MCF2L2: variants seen among roughly 807,000 people sequenced by gnomAD.
The protein encoded by MCF2L2 is MCF.2 cell line derived transforming sequence-like 2.
A neutral mutation model predicts 150.2 loss-of-function variants in MCF2L2; 102 were observed. The observed-to-expected ratio is 0.68, with a 90% CI of 0.58 to 0.80. The LOEUF is 0.80. MCF2L2 is among the 30% of genes least tolerant of loss of function. The probability of loss-of-function intolerance (pLI) is 0.00; values close to 1 mark genes in which losing one functional copy is unlikely to be tolerated. For synonymous variants in MCF2L2, 465 were observed against 491.3 expected (o/e 0.95, Z 0.71); for missense variants, 1,256 against 1,372.8 (o/e 0.91, Z 1.34).
At chr3:183,191,986 G>T (rs1458183832) in intron 27 of MCF2L2, among the ~76,000 whole-genome samples, 1 of 148,472 alleles carries the variant, frequency 6.7e-6, no homozygotes, top group Admixed American at 6.8e-5. Context: ...GACTACAGGC[G>T]CCCACCACCA....
In MCF2L2 at chr3:183,309,773, G is replaced by T; in HGVS notation, c.1056C>A (p.Ser352Arg). The T allele has an allele frequency of 6.2e-7, 1 of 1,613,708 alleles. No individual in the cohort carries two copies. Among genetic ancestry groups the T allele is most frequent in the Non-Finnish European group, 8.5e-7 (1 of 1,179,890 alleles). The change falls in exon 10 of 30, where the codon AGC becomes AGA. Residue 352 changes from serine to arginine, a missense_variant. Physicochemically the swap from Ser to Arg is moderately radical, Grantham distance 110. Transcript: ENST00000328913. ...TAAGAATCTGCTCCACGTGCATCAC[G>T]CTGTCTCCAATGCCTGTAAACTCTG... is the stretch of plus-strand genomic sequence containing the variant. ...EQAEFTGIGDSVMHVEQILKE... is the reference protein window; with the variant it reads ...EQAEFTGIGDRVMHVEQILKE...
chr3:183,188,676 A>C (rs1204591477), intron 27 of MCF2L2, among the ~76,000 whole-genome samples: 1 of 152,154 alleles, frequency 6.6e-6, no homozygotes, highest in Non-Finnish European at 1.5e-5. Flanking sequence ...TGATCAAAGC[A>C]GTGTTATACA....
chr3:183,390,836 G>A (rs1220493497), intron 1 of MCF2L2, among the ~76,000 whole-genome samples: 1 of 152,204 alleles, frequency 6.6e-6, no homozygotes, highest in African/African-American at 2.4e-5. Flanking sequence ...GTTTGAGGCT[G>A]TCGTTAGCCA....
At chr3:183,203,162 G>A (rs1017922146) in intron 25 of MCF2L2, among the ~76,000 whole-genome samples, 9 of 152,074 alleles carry the variant, frequency 5.9e-5, no homozygotes, top group African/African-American at 1.9e-4. Flanking sequence ...GCAGTGAGCT[G>A]AGATCATGCC....
intron 3 of MCF2L2, chr3:183,373,557 C>T (rs1713013305): frequency 1.3e-5 from 2 of 152,106 alleles, no homozygotes; most frequent in African/African-American, 4.8e-5. Context: ...TCTTCACACC[C>T]CTCAAATGTC....
chr3:183,426,418 T>C (rs1716168890), intron 1 of MCF2L2, among the ~76,000 whole-genome samples: 2 of 152,334 alleles, frequency 1.3e-5, no homozygotes, highest in Middle Eastern at 3.4e-3. Flanking sequence ...ATATGTCTAA[T>C]AACTGAAATG....
intron 3 of MCF2L2, 25 bp downstream of exon 3, chr3:183,379,272 C>CTTTT (rs1560048388): frequency 6.5e-7 from 1 of 1,545,360 alleles, no homozygotes; most frequent in Non-Finnish European, 8.8e-7. Context: ...GTGCCTAAGG[C>CTTTT]GGCAGGACAC....
chr3:183,270,654 A>C lies in MCF2L2; in HGVS notation c.1862+6218T>G, dbSNP rs1403599141. 1.9e-6 allele frequency: 3 copies of C among 1,614,184 alleles called. No homozygotes were observed. In the Admixed American group the frequency reaches 5.0e-5, roughly 27 times the overall value. ...AAGTCTTTACATAGACGATGTGTTCATGGGCCTCTGTGCCAATAAAATAGG... is the reference window on the plus strand; with the variant it reads ...AAGTCTTTACATAGACGATGTGTTCCTGGGCCTCTGTGCCAATAAAATAGG... On this transcript the variant is annotated intron_variant, in intron 15 of 29. Transcript: ENST00000328913. This position sits in a 1 kb window ranked among gnomAD's most constrained non-coding sequence, Gnocchi z 4.5.
intron 3 of MCF2L2, among the ~76,000 whole-genome samples, chr3:183,368,925 T>C (rs1036236907): frequency 1.3e-5 from 2 of 152,202 alleles, no homozygotes; most frequent in Non-Finnish European, 1.5e-5. Flanking sequence ...TATGAACCCA[T>C]GAAATTCATA....
chr3:183,231,547 C>T (rs187593073), intron 15 of MCF2L2, among the ~76,000 whole-genome samples: 9 of 152,108 alleles, frequency 5.9e-5, no homozygotes, highest in African/African-American at 1.7e-4. Flanking sequence ...CTTGAACTCC[C>T]GGGCTCCAGC....
At chr3:183,244,413 A>G (rs1724162462) in intron 15 of MCF2L2, among the ~76,000 whole-genome samples, 1 of 152,116 alleles carries the variant, frequency 6.6e-6, no homozygotes, top group Admixed American at 6.5e-5. Context: ...TGGGACTCAG[A>G]CTGGCTTCCT....
At chr3:183,297,642 C>CCCTTCCTTCCTCCCTTCCTTCCTTCCTT (rs1728595535) in intron 11 of MCF2L2, 1 of 146,118 alleles carries the variant, frequency 6.8e-6, no homozygotes, top group East Asian at 2.1e-4. Context: ...CTTCCTTCCT[C>CCCTTCCTTCCTCCCTTCCTTCCTTCCTT]CCTTCCTTCC....
chr3:183,415,265 C>A (rs915291694), intron 1 of MCF2L2, among the ~76,000 whole-genome samples: 5 of 152,002 alleles, frequency 3.3e-5, no homozygotes, highest in Non-Finnish European at 5.9e-5. Context: ...CTGCTCACTG[C>A]AATCTTTGCC....
chr3:183,300,175 G>A lies in MCF2L2; in HGVS notation c.1135C>T (p.Leu379=), dbSNP rs751070341. The part of the protein sequence containing the change: ...KSQEPLEKAQ[L]LALVGDQLIQ... The stretch of plus-strand genomic sequence containing the variant: ...AGCTGGTCCCCAACCAGTGCCAGCA[G>A]CTGGGCCTTTTCCAGGGGCTCCTGC... The change falls in exon 11 of 30, where the codon CTG becomes TTG. Residue 379 remains leucine, a synonymous_variant. Transcript: ENST00000328913. 1 of 1,604,124 alleles carries A rather than the reference G, an allele frequency of 6.2e-7. No individual in the cohort carries two copies. Among genetic ancestry groups the A allele is most frequent in the Non-Finnish European group, 8.5e-7 (1 of 1,177,570 alleles).
intron 15 of MCF2L2, among the ~76,000 whole-genome samples, chr3:183,262,788 C>T (rs1725740941): frequency 6.6e-6 from 1 of 152,032 alleles, no homozygotes; most frequent in African/African-American, 2.4e-5. Flanking sequence ...GGAGAAGGTT[C>T]GGGACAAGTT....
chr3:183,346,153 T>C (rs1730890006), intron 3 of MCF2L2, among the ~76,000 whole-genome samples: 1 of 152,114 alleles, frequency 6.6e-6, no homozygotes, highest in Non-Finnish European at 1.5e-5. Context: ...CTAATGAACA[T>C]CAATGCGAAA....
At chr3:183,352,517 T>C (rs1049417345) in intron 3 of MCF2L2, among the ~76,000 whole-genome samples, 17 of 152,050 alleles carry the variant, frequency 1.1e-4, no homozygotes, top group African/African-American at 4.1e-4. Flanking sequence ...AGAGAGACTT[T>C]GTCTCAAAAA....
intron 25 of MCF2L2, among the ~76,000 whole-genome samples, chr3:183,199,783 C>T (rs1193388700): frequency 7.8e-6 from 1 of 128,162 alleles, no homozygotes; most frequent in Non-Finnish European, 1.6e-5. Flanking sequence ...CCCCTCCCCC[C>T]ACCCCACCAC....
At chr3:183,313,386 C>T (rs959911112) in intron 7 of MCF2L2, among the ~76,000 whole-genome samples, 1 of 152,178 alleles carries the variant, frequency 6.6e-6, no homozygotes, top group Admixed American at 6.5e-5. Context: ...TGCGGCAGAG[C>T]ATGAATGAGG....
Sources: gnomAD v4.1 joint callset for allele counts (sites outside exome capture counted in the v4.1 genomes callset) on GRCh38, gnomAD v4.1.1 for gene constraint, Gnocchi (gnomAD v3.1) non-coding constraint, MANE v1.5 for transcripts, NCBI Gene and HGNC (gene_info 2026-07-23, HGNC 2026-07-21) for gene names.